The following RBFOX1 variants were observed in gnomAD, a reference collection of about 807,000 sequenced individuals.
RBFOX1 encodes the protein RNA binding fox-1 homolog 1.
In RBFOX1, 8 loss-of-function variants were observed where a neutral mutation model predicts 57.7. The observed-to-expected ratio is 0.14, with a 90% CI of 0.08 to 0.25. The LOEUF (loss-of-function observed/expected upper bound fraction) is 0.25, where lower values mean the gene tolerates loss of function less well. Ranked by LOEUF, RBFOX1 falls within the 10% of genes least tolerant of loss-of-function variation. RBFOX1 has a pLI of 1.00. For synonymous variants in RBFOX1, 326 were observed against 222.4 expected (o/e 1.47, Z -4.15); for missense variants, 611 against 548.5 (o/e 1.11, Z -1.14).
At chr16:7,034,125 G>C (rs2153695956) in intron 3 of RBFOX1, among the ~76,000 whole-genome samples, 1 of 152,276 alleles carries the variant, frequency 6.6e-6, no homozygotes, top group Middle Eastern at 3.4e-3. Context: ...TGGAGCAACA[G>C]GACGTTGTCT....
At chr16:5,297,207 G>T (rs1224475175) in intron 1 of RBFOX1, among the ~76,000 whole-genome samples, 5 of 152,194 alleles carry the variant, frequency 3.3e-5, no homozygotes, top group African/African-American at 1.2e-4. Context: ...GAATAGTGCT[G>T]CAGTGAACAT....
rs2086299483 is a variant in RBFOX1 at position 7,551,096 on chromosome 16, AAAAAAAAAAG to A, written c.271-28668_271-28659del. 8.0e-5 allele frequency among the ~76,000 whole-genome samples: 12 copies of A among 149,538 alleles called. 1 individual carries two copies. In the South Asian group the frequency reaches 2.5e-3, roughly 31 times the overall value. On this transcript the variant is annotated intron_variant, in intron 5 of 15. Coordinates refer to ENST00000550418, the MANE Select transcript of RBFOX1 (RefSeq NM_018723.4). ...GCAACAAGAGCGAGACTCAAAAAAA[AAAAAAAAAAG>A]AAAAAAAAAGAATATTTACAGGACT...
At chr16:7,477,199 A>G (rs539235257) in intron 4 of RBFOX1, among the ~76,000 whole-genome samples, 5 of 152,326 alleles carry the variant, frequency 3.3e-5, no homozygotes, top group African/African-American at 1.2e-4. Context: ...TAAAATCGGT[A>G]TATCTGTCTC....
intron 2 of RBFOX1, among the ~76,000 whole-genome samples, chr16:6,429,112 G>A (rs896588434): frequency 5.9e-5 from 9 of 152,226 alleles, no homozygotes; most frequent in African/African-American, 1.9e-4. Context: ...AGCATATTCA[G>A]TTATTAGCTG....
intron 9 of RBFOX1, among the ~76,000 whole-genome samples, chr16:7,598,002 T>G (rs1022039689): frequency 6.6e-6 from 1 of 152,182 alleles, no homozygotes. Context: ...ACAGACCCCA[T>G]CAGGACAATG....
chr16:7,014,903 T>G (rs2093832118), intron 3 of RBFOX1, among the ~76,000 whole-genome samples: 1 of 152,068 alleles, frequency 6.6e-6, no homozygotes, highest in Non-Finnish European at 1.5e-5. Context: ...TTTTTTGTAT[T>G]TTTACTAGAG....
At chr16:7,316,214 A>T (rs925597474) in intron 4 of RBFOX1, among the ~76,000 whole-genome samples, 4 of 152,242 alleles carry the variant, frequency 2.6e-5, no homozygotes, top group Non-Finnish European at 5.9e-5. Flanking sequence ...TGATGTCTTT[A>T]ATTCAAGGCA....
chr16:6,068,719 A>G (rs2095798315), intron 1 of RBFOX1, among the ~76,000 whole-genome samples: 1 of 152,198 alleles, frequency 6.6e-6, no homozygotes. Context: ...TTAATCACTT[A>G]CGTCTTTAGA....
In RBFOX1 at chr16:5,716,996, G is replaced by C. The variant is rs1049345548; in HGVS notation, c.318+118035G>C. Among the ~76,000 whole-genome samples the C allele has an allele frequency of 2.0e-5, 3 of 152,178 alleles. No individual in the cohort carries two copies. In the East Asian group the frequency reaches 5.8e-4, roughly 29 times the overall value. On this transcript the variant is annotated intron_variant, in intron 3 of 19. Transcript: ENST00000641259. Reference sequence around the variant, plus strand: ...GAGTTCAAGGTTTCCTCCTGGCATAGGGAGCTGTATTAGCAGCAGAAAAAA... The same window carrying C: ...GAGTTCAAGGTTTCCTCCTGGCATACGGAGCTGTATTAGCAGCAGAAAAAA...
intron 1 of RBFOX1, among the ~76,000 whole-genome samples, chr16:6,022,674 A>T (rs1167573372): frequency 6.6e-6 from 1 of 152,170 alleles, no homozygotes; most frequent in Non-Finnish European, 1.5e-5. Context: ...CCAGAATGAG[A>T]CCCTGCCTCA....
intron 4 of RBFOX1, among the ~76,000 whole-genome samples, chr16:7,414,577 C>T (rs1359845045): frequency 6.6e-6 from 1 of 152,114 alleles, no homozygotes; most frequent in African/African-American, 2.4e-5. Context: ...TCTACCATAT[C>T]CCAAACACAA....
intron 3 of RBFOX1, among the ~76,000 whole-genome samples, chr16:6,849,079 C>G (rs920443568): frequency 3.3e-5 from 5 of 152,154 alleles, no homozygotes; most frequent in South Asian, 2.1e-4. Context: ...CAGCTGTCCT[C>G]AAGAGTGCAT....
intron 4 of RBFOX1, among the ~76,000 whole-genome samples, chr16:5,958,511 G>A (rs2059690277): frequency 6.6e-6 from 1 of 152,168 alleles, no homozygotes; most frequent in African/African-American, 2.4e-5. Flanking sequence ...AAATTGCTTA[G>A]CCTCAGTTTG....
chr16:6,487,700 A>AAAATATATATATAT (rs2095531553), intron 2 of RBFOX1, among the ~76,000 whole-genome samples: 1 of 16,286 alleles, frequency 6.1e-5, no homozygotes, highest in Non-Finnish European at 1.0e-4. Context: ...AAAAAAAAAA[A>AAAATATATATATAT]ATATATATAT....
At chr16:5,433,148 G>A (rs1480090438) in intron 1 of RBFOX1, among the ~76,000 whole-genome samples, 1 of 152,168 alleles carries the variant, frequency 6.6e-6, no homozygotes, top group African/African-American at 2.4e-5. Context: ...TTCCCAAAGT[G>A]CTGGGATTAC....
intron 3 of RBFOX1, among the ~76,000 whole-genome samples, chr16:5,774,902 C>T (rs573690515): frequency 2.0e-5 from 3 of 152,184 alleles, no homozygotes; most frequent in Admixed American, 6.5e-5. Flanking sequence ...AGGCTGGTCT[C>T]GAACTCCTGA....
chr16:6,519,881 A>T (rs1180211561), intron 2 of RBFOX1, among the ~76,000 whole-genome samples: 2 of 152,198 alleles, frequency 1.3e-5, no homozygotes, highest in African/African-American at 2.4e-5. Flanking sequence ...AACTAAGGCA[A>T]CTGATATATA....
intron 2 of RBFOX1, among the ~76,000 whole-genome samples, chr16:6,340,211 G>A (rs2084353221): frequency 6.6e-6 from 1 of 152,112 alleles, no homozygotes; most frequent in African/African-American, 2.4e-5. Flanking sequence ...GGGTGCTAAG[G>A]GGTCACGAAA....
intron 3 of RBFOX1, among the ~76,000 whole-genome samples, chr16:5,681,270 G>C (rs1388950389): frequency 1.4e-5 from 2 of 146,540 alleles, no homozygotes; most frequent in African/African-American, 5.1e-5. Flanking sequence ...ATTTTTGGTA[G>C]AGACGGGGTT....
Sources: gnomAD v4.1 joint callset for allele counts (sites outside exome capture counted in the v4.1 genomes callset) on GRCh38, gnomAD v4.1.1 for gene constraint, MANE v1.5 for transcripts, NCBI Gene and HGNC (gene_info 2026-07-23, HGNC 2026-07-21) for gene names.